Variants in JARID2 observed in about 807,000 individuals in gnomAD.
JARID2 encodes jumonji and AT-rich interaction domain containing 2, also known as protein Jumonji.
Under a neutral mutation model 125.6 loss-of-function variants are expected in JARID2, and 21 were observed. The observed-to-expected ratio is 0.17, with a 90% CI of 0.12 to 0.24. The LOEUF is 0.24. Among genes scored for constraint, JARID2 ranks in the 10% least tolerant of loss-of-function variants. The probability of loss-of-function intolerance (pLI) is 1.00; values close to 1 mark genes in which losing one functional copy is unlikely to be tolerated. For missense variants in JARID2, 1,303 were observed against 1,639.6 expected (o/e 0.79, Z 3.55); for synonymous variants, 736 against 661.6 (o/e 1.11, Z -1.73).
Position 15,504,608 on chromosome 6 carries a change from C to A in JARID2, c.2541+16C>A. The stretch of plus-strand genomic sequence containing the variant: ...CGAAATCGAGGTGAGAGAAGGGGCC[C>A]CTCACGCTGCCTCTCATGGTGTGGG... On this transcript the variant is annotated intron_variant, in intron 9 of 17. Transcript: ENST00000341776. The A allele has an allele frequency of 6.5e-7, 1 of 1,529,318 alleles. No homozygotes were observed. Among genetic ancestry groups the A allele is most frequent in the Non-Finnish European group, 9.1e-7 (1 of 1,102,742 alleles). 94.7% of individuals were successfully genotyped at this position (1,529,318 alleles called of 1,614,324 possible).
intron 5 of JARID2, among the ~76,000 whole-genome samples, chr6:15,469,646 A>G (rs1768975768): frequency 6.6e-6 from 1 of 151,406 alleles, no homozygotes; most frequent in African/African-American, 2.4e-5. Flanking sequence ...GAAGTGACTT[A>G]AATGGAGTTG....
intron 3 of JARID2, among the ~76,000 whole-genome samples, chr6:15,446,964 TCTC>T (rs1767697752): frequency 1.3e-5 from 2 of 152,310 alleles, no homozygotes; most frequent in South Asian, 2.1e-4. Context: ...GTCTCACCCT[TCTC>T]CTAGTTACTC....
chr6:15,346,735 T>G (rs1763256326), intron 1 of JARID2, among the ~76,000 whole-genome samples: 1 of 148,560 alleles, frequency 6.7e-6, no homozygotes, highest in South Asian at 2.1e-4. Flanking sequence ...TTGAAGTAAT[T>G]GTAATTTTTT....
intron 3 of JARID2, among the ~76,000 whole-genome samples, chr6:15,418,180 T>A (rs1291603083): frequency 6.6e-6 from 1 of 151,538 alleles, no homozygotes; most frequent in Non-Finnish European, 1.5e-5. Flanking sequence ...AGAACCCTAA[T>A]GTTTAGTGTT....
At chr6:15,508,484 G>C in intron 12 of JARID2, 30 bp downstream of exon 12, 1 of 1,189,104 alleles carries the variant, frequency 8.4e-7, no homozygotes, top group South Asian at 1.2e-5. Context: ...GGGAAGGGAG[G>C]GACTGCAGAA....
At chr6:15,482,947 AT>A (rs1769694475) in intron 5 of JARID2, among the ~76,000 whole-genome samples, 1 of 152,222 alleles carries the variant, frequency 6.6e-6, no homozygotes, top group Non-Finnish European at 1.5e-5. Context: ...ACAAGGGTAC[AT>A]CATCAAAGAA....
At chr6:15,479,857 G>A (rs1258229738) in intron 5 of JARID2, among the ~76,000 whole-genome samples, 1 of 152,186 alleles carries the variant, frequency 6.6e-6, no homozygotes, top group African/African-American at 2.4e-5. Flanking sequence ...AGGGCAAACC[G>A]GGTTACAGCA....
chr6:15,443,115 C>G (rs1206188669), intron 3 of JARID2, among the ~76,000 whole-genome samples: 2 of 151,780 alleles, frequency 1.3e-5, no homozygotes, highest in Non-Finnish European at 2.9e-5. Flanking sequence ...ACCTTTCTCT[C>G]TGATGCCTGT....
intron 1 of JARID2, among the ~76,000 whole-genome samples, chr6:15,286,587 G>C (rs934401803): frequency 1.3e-5 from 2 of 151,730 alleles, no homozygotes; most frequent in Non-Finnish European, 2.9e-5. Flanking sequence ...CTGGCAGAGC[G>C]TGGTGGCTCA....
Position 15,385,595 on chromosome 6 carries a change from G to A in JARID2, c.181+11343G>A, listed in dbSNP as rs542570051. Among the ~76,000 whole-genome samples the A allele has an allele frequency of 2.6e-5, 4 of 151,670 alleles. No individual in the cohort carries two copies. The South Asian group carries it at 8.4e-4, about 32-fold the overall frequency. ...TGTCTAGCCACATTAGATTGTAAGC[G>A]CTTTGAGAGGAAAATTCATTTGTGT... On this transcript the variant is annotated intron_variant, in intron 2 of 17. Transcript: ENST00000341776.
chr6:15,293,164 C>T (rs532160713), intron 1 of JARID2, among the ~76,000 whole-genome samples: 1 of 152,304 alleles, frequency 6.6e-6, no homozygotes, highest in Non-Finnish European at 1.5e-5. Context: ...CTGTGTGACG[C>T]TTATGCCAAG....
intron 4 of JARID2, among the ~76,000 whole-genome samples, chr6:15,454,365 G>A (rs1201181544): frequency 6.6e-6 from 1 of 152,174 alleles, no homozygotes; most frequent in Non-Finnish European, 1.5e-5. Flanking sequence ...AGTTATTAAT[G>A]TATTTGTTAG....
chr6:15,473,170 C>T (rs562881319), intron 5 of JARID2, among the ~76,000 whole-genome samples: 84 of 152,308 alleles, frequency 5.5e-4, no homozygotes, highest in African/African-American at 2.0e-3. Context: ...GAATCTTTGC[C>T]ATGTTAACAG....
chr6:15,511,233 C>T (rs1771263905), intron 12 of JARID2, 63 bp from the exon 13 acceptor site: 2 of 1,137,642 alleles, frequency 1.8e-6, no homozygotes, highest in Middle Eastern at 2.0e-4. Context: ...CGGGGGTGGC[C>T]CAGTACATGC....
chr6:15,402,910 G>C (rs1232641402), intron 2 of JARID2, among the ~76,000 whole-genome samples: 1 of 152,224 alleles, frequency 6.6e-6, no homozygotes, highest in Admixed American at 6.5e-5. Context: ...TGTGGACCCA[G>C]AGCAGTTACG....
At position 15,496,483 on chromosome 6, in the gene JARID2, AAGG is replaced by A; in HGVS notation, c.1262_1264del (p.Glu421del). ...CAGGTTGAACCCAAAGTCATGCACTAAGGAGGTGGGGGGGCGGCAGCTGCGGGA... is the reference window on the plus strand; with the variant it reads ...CAGGTTGAACCCAAAGTCATGCACTAAGGTGGGGGGGCGGCAGCTGCGGGA... On this transcript the variant is annotated inframe_deletion, in exon 7 of 18. Coordinates refer to ENST00000341776, the MANE Select transcript of JARID2 (RefSeq NM_004973.4). 1 of 1,611,356 alleles carries A rather than the reference AAGG, an allele frequency of 6.2e-7. No homozygotes were observed. Among genetic ancestry groups the A allele is most frequent in the Non-Finnish European group, 8.5e-7 (1 of 1,178,710 alleles).
chr6:15,513,299 C>A lies in JARID2; in HGVS notation c.3327C>A (p.Arg1109=), dbSNP rs758878899. 6.2e-6 allele frequency: 10 copies of A among 1,602,734 alleles called. No individual in the cohort carries two copies. The South Asian group carries it at 1.1e-4, about 18-fold the overall frequency. ...LFEAGLHSSA[R]YGSHDGSSTV... is the part of the protein sequence containing the mutation. ...AGGCTGGCCTCCACTCCTCCGCACGCTATGGCAGCCACGATGGCAGCAGCA... is the reference window on the plus strand; with the variant it reads ...AGGCTGGCCTCCACTCCTCCGCACGATATGGCAGCCACGATGGCAGCAGCA... The change falls in exon 16 of 18, where the codon CGC becomes CGA. Residue 1109 remains arginine (R), a synonymous_variant. Coordinates refer to ENST00000341776, the MANE Select transcript of JARID2 (RefSeq NM_004973.4).
At chr6:15,389,418 G>A (rs1288814683) in intron 2 of JARID2, among the ~76,000 whole-genome samples, 1 of 152,136 alleles carries the variant, frequency 6.6e-6, no homozygotes, top group African/African-American at 2.4e-5. Flanking sequence ...CATGTGATTG[G>A]GGTTTTCACC....
chr6:15,430,971 A>G (rs1032395712), intron 3 of JARID2, among the ~76,000 whole-genome samples: 2 of 152,152 alleles, frequency 1.3e-5, no homozygotes, highest in Non-Finnish European at 2.9e-5. Flanking sequence ...CCCAAGAAAT[A>G]TGTTTGCATT....
Sources: gnomAD v4.1 joint callset for allele counts (sites outside exome capture counted in the v4.1 genomes callset) on GRCh38, gnomAD v4.1.1 for gene constraint, MANE v1.5 for transcripts, NCBI Gene and HGNC (gene_info 2026-07-23, HGNC 2026-07-21) for gene names.